RAPGEF6: variants seen among roughly 807,000 people sequenced by gnomAD.
RAPGEF6 encodes the protein Rap guanine nucleotide exchange factor 6, also known as PDZ domain containing guanine nucleotide exchange factor (GEF) 2.
A neutral mutation model predicts 171.4 loss-of-function variants in RAPGEF6; 56 were observed. The ratio of observed to expected loss-of-function variants is 0.33; its 90% CI spans 0.26 to 0.41. The LOEUF (loss-of-function observed/expected upper bound fraction) is 0.41, where lower values mean the gene tolerates loss of function less well. RAPGEF6 is among the 10% of genes least tolerant of loss of function. RAPGEF6 has a pLI of 1.00. For missense variants in RAPGEF6, 1,674 were observed against 1,921.4 expected, an observed-to-expected ratio of 0.87 and a Z score of 2.41; for synonymous variants, 692 against 650.1, an observed-to-expected ratio of 1.06 and a Z score of -0.98.
At chr5:131,436,051 T>C (rs199700160) in intron 24 of RAPGEF6, 12 of 1,537,112 alleles carry the variant, frequency 7.8e-6, no homozygotes, top group Non-Finnish European at 9.6e-6. Flanking sequence ...ACTCCCTTTC[T>C]CATCTTTGAT....
chr5:131,575,466 G>A (rs1309712383), intron 4 of RAPGEF6, among the ~76,000 whole-genome samples: 1 of 152,062 alleles, frequency 6.6e-6, no homozygotes, highest in Non-Finnish European at 1.5e-5. Flanking sequence ...TCTTGGCATA[G>A]TCCTTCATCA....
chr5:131,533,498 G>A (rs1254043027), intron 6 of RAPGEF6, among the ~76,000 whole-genome samples: 4 of 151,938 alleles, frequency 2.6e-5, no homozygotes, highest in East Asian at 3.9e-4. Context: ...TTAACAAGGG[G>A]TTTCTGCTTG....
At chr5:131,624,099 T>C (rs1013553847) in intron 1 of RAPGEF6, among the ~76,000 whole-genome samples, 1 of 152,154 alleles carries the variant, frequency 6.6e-6, no homozygotes, top group Non-Finnish European at 1.5e-5. Flanking sequence ...ACAGAGAAAA[T>C]AGTCAGCTAA....
At chr5:131,428,116 C>T (rs1175520235) in intron 27 of RAPGEF6, among the ~76,000 whole-genome samples, 1 of 151,704 alleles carries the variant, frequency 6.6e-6, no homozygotes, top group Non-Finnish European at 1.5e-5. Context: ...AAACAAACAA[C>T]CCACACCATT....
At chr5:131,588,662 G>T (rs1000215783) in intron 4 of RAPGEF6, among the ~76,000 whole-genome samples, 1 of 152,092 alleles carries the variant, frequency 6.6e-6, no homozygotes, top group East Asian at 1.9e-4. Flanking sequence ...GGGATCACTT[G>T]AACCTGGGAG....
chr5:131,534,435 T>C (rs1226483891), intron 6 of RAPGEF6, among the ~76,000 whole-genome samples: 1 of 152,120 alleles, frequency 6.6e-6, no homozygotes, highest in African/African-American at 2.4e-5. Context: ...TAGATTTTCA[T>C]AAAGCTTTTA....
rs748746766 is a variant in RAPGEF6, at chr5:131,504,754, A to G, written c.1126T>C (p.Tyr376His). ...TCCACATGGTTTAAAATTCTCCAAT[A>G]ATCTTGCTGGGCTATGCAGACAAAC... ...CQFVCIAQQDYWRILNHVEKN... is the reference protein window; with the variant it reads ...CQFVCIAQQDHWRILNHVEKN... The change falls in exon 11 of 28, where the codon TAT (tyrosine) becomes CAT (histidine). Residue 376 changes from tyrosine to histidine, a missense_variant. Physicochemically the swap from Tyr to His is moderately conservative, Grantham distance 83. This residue lies in a region of RAPGEF6 where 1,116 missense variants were observed against 1,321.5 expected (regional missense o/e 0.84). Coordinates refer to ENST00000509018, the MANE Select transcript of RAPGEF6 (RefSeq NM_016340.6). The G allele has an allele frequency of 6.2e-7, 1 of 1,613,402 alleles. No individual in the cohort carries two copies. The highest frequency in any genetic ancestry group is 1.7e-5 in the Admixed American group (1 of 59,878).
At chr5:131,539,353 C>T (rs1031323664) in intron 6 of RAPGEF6, among the ~76,000 whole-genome samples, 2 of 152,196 alleles carry the variant, frequency 1.3e-5, no homozygotes, top group African/African-American at 4.8e-5. Context: ...GTGACTTTCA[C>T]TTAAACAGTT....
At chr5:131,428,344 C>T (rs10076930) in intron 27 of RAPGEF6, among the ~76,000 whole-genome samples, 64,937 of 151,962 alleles carry the variant, frequency 0.43, 18,261 homozygotes, top group African/African-American at 0.81. Context: ...GCCCAGGAGT[C>T]TGAGGCTGTA....
At chr5:131,456,117 G>A (rs2149827951) in intron 19 of RAPGEF6, 105 bp from the exon 20 acceptor site, 4 of 744,258 alleles carry the variant, frequency 5.4e-6, no homozygotes, top group South Asian at 2.0e-5. Context: ...AATAAGCAGG[G>A]ACATATTTTA....
intron 20 of RAPGEF6, among the ~76,000 whole-genome samples, chr5:131,454,149 T>C (rs1753312173): frequency 6.6e-6 from 1 of 152,206 alleles, no homozygotes; most frequent in Admixed American, 6.5e-5. Context: ...CTTAAGTCCT[T>C]GTAAACCTCC....
chr5:131,541,797 A>T (rs1200547779), intron 6 of RAPGEF6, among the ~76,000 whole-genome samples: 1 of 152,212 alleles, frequency 6.6e-6, no homozygotes, highest in Non-Finnish European at 1.5e-5. Context: ...AATCCCTAGA[A>T]ACTTTAAAGG....
At chr5:131,533,442 C>T (rs188525264) in intron 6 of RAPGEF6, among the ~76,000 whole-genome samples, 7 of 152,148 alleles carry the variant, frequency 4.6e-5, no homozygotes, top group Admixed American at 1.3e-4. Context: ...CCATTGCATT[C>T]CAAATAAACA....
In RAPGEF6 at chr5:131,459,318, A is replaced by G. The variant is rs574667955; in HGVS notation, c.2864+2387T>C. Among the ~76,000 whole-genome samples, 28 of 152,350 alleles carry G rather than the reference A, an allele frequency of 1.8e-4. No homozygotes were observed. The East Asian group carries it at 4.8e-3, about 26-fold the overall frequency. On this transcript the variant is annotated intron_variant, in intron 19 of 27. Transcript: ENST00000509018. ...ACATAAAAATGAATTCAAGATTAAT[A>G]AAAAATGTTGTCTAGGGTGTTCTAA...
chr5:131,484,027 C>T (rs571088112), intron 15 of RAPGEF6, among the ~76,000 whole-genome samples: 111 of 140,662 alleles, frequency 7.9e-4, no homozygotes, highest in Middle Eastern at 3.9e-3. Flanking sequence ...ACCCAGGAGG[C>T]GGAGCTTGCA....
chr5:131,433,702 C>A, intron 24 of RAPGEF6, 44 bp from the exon 25 acceptor site: 8 of 1,388,586 alleles, frequency 5.8e-6, no homozygotes, highest in South Asian at 1.2e-5. Flanking sequence ...AAAAAGGGAA[C>A]ATATGGTGGG....
chr5:131,583,569 C>T (rs1763086042), intron 4 of RAPGEF6, among the ~76,000 whole-genome samples: 1 of 152,184 alleles, frequency 6.6e-6, no homozygotes, highest in Non-Finnish European at 1.5e-5. Flanking sequence ...TCTGGATCCA[C>T]CTATAATCTA....
At chr5:131,612,995 C>T (rs1765028004) in intron 1 of RAPGEF6, among the ~76,000 whole-genome samples, 2 of 152,128 alleles carry the variant, frequency 1.3e-5, no homozygotes, top group Admixed American at 1.3e-4. Flanking sequence ...CTGAAAAGCC[C>T]CTCCTCAAAG....
At chr5:131,633,455 C>G (rs1766440940) in intron 1 of RAPGEF6, among the ~76,000 whole-genome samples, 1 of 151,868 alleles carries the variant, frequency 6.6e-6, no homozygotes, top group South Asian at 2.1e-4. Flanking sequence ...AGCAGCCGGG[C>G]AACTTGGCTC....
Sources: allele counts gnomAD v4.1 joint callset (sites outside exome capture counted in the v4.1 genomes callset), GRCh38; gene constraint gnomAD v4.1.1; regional missense constraint gnomAD v4.1.1; transcripts MANE v1.5; gene names NCBI Gene and HGNC (gene_info 2026-07-23, HGNC 2026-07-21).